SPHKAP: variants seen among roughly 807,000 people sequenced by gnomAD.
SPHKAP encodes SPHK1 interactor, AKAP domain containing.
Under a neutral mutation model 137.5 loss-of-function variants are expected in SPHKAP, and 67 were observed. That is an observed-to-expected ratio of 0.49 (90% CI 0.40 to 0.60). The LOEUF (loss-of-function observed/expected upper bound fraction) is 0.60, where lower values mean the gene tolerates loss of function less well. Ranked by LOEUF, SPHKAP falls within the 20% of genes least tolerant of loss-of-function variation. SPHKAP has a pLI of 0.00. For missense variants in SPHKAP, 2,097 were observed against 2,069.3 expected, an observed-to-expected ratio of 1.01 and a Z score of -0.26; for synonymous variants, 813 against 785.3, an observed-to-expected ratio of 1.04 and a Z score of -0.59.
At chr2:228,008,492 A>G (rs1288480200) in intron 7 of SPHKAP, among the ~76,000 whole-genome samples, 1 of 151,956 alleles carries the variant, frequency 6.6e-6, no homozygotes, top group African/African-American at 2.4e-5. Flanking sequence ...ACAGCATTTC[A>G]CCATGTTGGC....
chr2:228,122,276 G>C (rs1204477860), intron 2 of SPHKAP, among the ~76,000 whole-genome samples: 1 of 152,004 alleles, frequency 6.6e-6, no homozygotes, highest in Non-Finnish European at 1.5e-5. Context: ...AGTTTTCAGA[G>C]TCCCCCCTTT....
chr2:228,072,034 G>A (rs1158131282), intron 3 of SPHKAP, among the ~76,000 whole-genome samples: 3 of 152,200 alleles, frequency 2.0e-5, no homozygotes, highest in Non-Finnish European at 4.4e-5. Context: ...CTCAATGTGG[G>A]TGGGCATTAT....
intron 7 of SPHKAP, among the ~76,000 whole-genome samples, chr2:228,006,414 C>A (rs761184306): frequency 4.0e-4 from 61 of 152,124 alleles, no homozygotes; most frequent in Admixed American, 3.3e-3. Context: ...GACTTTTCTG[C>A]ATTGGTTTTT....
At chr2:228,156,272 T>C (rs1676698913) in intron 1 of SPHKAP, among the ~76,000 whole-genome samples, 1 of 152,206 alleles carries the variant, frequency 6.6e-6, no homozygotes, top group South Asian at 2.1e-4. Flanking sequence ...ATGTACTGGC[T>C]CAATTCTTCT....
intron 1 of SPHKAP, among the ~76,000 whole-genome samples, chr2:228,162,550 T>A (rs1167290150): frequency 6.6e-6 from 1 of 152,210 alleles, no homozygotes; most frequent in Admixed American, 6.5e-5. Context: ...AAGTGTTCAA[T>A]GAAATTAGTT....
chr2:228,133,237 G>A (rs964397519), intron 1 of SPHKAP, among the ~76,000 whole-genome samples: 2 of 152,060 alleles, frequency 1.3e-5, no homozygotes, highest in African/African-American at 4.8e-5. Context: ...AACCCAGGAG[G>A]TGGAGGTTGC....
At chr2:228,111,980 T>C (rs181452762) in intron 2 of SPHKAP, among the ~76,000 whole-genome samples, 3 of 152,298 alleles carry the variant, frequency 2.0e-5, no homozygotes, top group East Asian at 3.9e-4. Flanking sequence ...GTGACAATTT[T>C]CTTGAAAGAG....
In SPHKAP at chr2:228,056,982, C is replaced by T. The variant is rs1696470099; in HGVS notation, c.247-29439G>A. ...CTTGTTGAATGGACTGAGAAAATTG[C>T]ATTAAATATCTGCATTTGACAACTT... On this transcript the variant is annotated intron_variant, in intron 3 of 11. Transcript: ENST00000392056. 2.0e-5 allele frequency among the ~76,000 whole-genome samples: 3 copies of T among 152,176 alleles called. No homozygotes were observed. In the South Asian group the frequency reaches 6.2e-4, roughly 32 times the overall value.
chr2:228,031,713 A>T (rs891200316), intron 3 of SPHKAP, among the ~76,000 whole-genome samples: 1 of 152,152 alleles, frequency 6.6e-6, no homozygotes, highest in African/African-American at 2.4e-5. Context: ...GTTCACCAAG[A>T]TCTGCTGTTC....
Position 228,016,654 on chromosome 2 carries a change from A to G in SPHKAP, c.4200T>C (p.Asp1400=), listed in dbSNP as rs1694606210. The part of the protein sequence containing the change: ...TASLTNHSPL[D]SKKETSSCQD... The stretch of plus-strand genomic sequence containing the variant: ...GGCACGAGGAAGTTTCTTTTTTAGA[A>G]TCTAAAGGGCTGTGGTTTGTAAGAG... The change falls in exon 7 of 12, where the codon GAT becomes GAC. Residue 1400 remains aspartate, a synonymous_variant. Transcript: ENST00000392056. 1 of 1,613,914 alleles carries G rather than the reference A, an allele frequency of 6.2e-7. No individual in the cohort carries two copies. The highest frequency in any genetic ancestry group is 1.1e-5 in the South Asian group (1 of 91,056).
intron 1 of SPHKAP, among the ~76,000 whole-genome samples, chr2:228,135,184 G>C (rs6436757): frequency 0.35 from 51,594 of 149,408 alleles, 9,064 homozygotes; most frequent in East Asian, 0.51. Flanking sequence ...TGAGACAGGA[G>C]AATCGCTTCA....
chr2:228,044,703 G>C (rs1033472391), intron 3 of SPHKAP, among the ~76,000 whole-genome samples: 7 of 152,112 alleles, frequency 4.6e-5, no homozygotes, highest in Admixed American at 3.9e-4. Flanking sequence ...AAATACAAGA[G>C]GGAACATCTA....
At chr2:228,155,456 G>T (rs1458550320) in intron 1 of SPHKAP, among the ~76,000 whole-genome samples, 1 of 152,132 alleles carries the variant, frequency 6.6e-6, no homozygotes, top group African/African-American at 2.4e-5. Flanking sequence ...TATGATATAA[G>T]TATGTGTTTC....
chr2:228,123,903 C>A (rs1038370794), intron 2 of SPHKAP, among the ~76,000 whole-genome samples: 5 of 152,014 alleles, frequency 3.3e-5, no homozygotes, highest in African/African-American at 7.2e-5. Flanking sequence ...ATGAAACAAC[C>A]CCATCAAAAA....
rs752670685 is a variant in SPHKAP at position 228,016,705 on chromosome 2, T to C, written c.4149A>G (p.Pro1383=). The C allele has an allele frequency of 9.3e-6, 15 of 1,614,014 alleles. No homozygotes were observed. The highest frequency in any genetic ancestry group is 1.3e-5 in the Non-Finnish European group (15 of 1,180,036). ...AAGCAGTTTTGCTCAAAGATGACAC[T>C]GGGGGCTGTTTACATTCGGTAACAG... ...KDSVTECKQP[P]VSSLSKTASL... The change falls in exon 7 of 12, where the codon CCA becomes CCG. Residue 1383 remains proline (P), a synonymous_variant. Transcript: ENST00000392056.
chr2:228,012,763 C>T (rs757780587), intron 7 of SPHKAP, among the ~76,000 whole-genome samples: 12 of 152,074 alleles, frequency 7.9e-5, no homozygotes, highest in Non-Finnish European at 7.4e-5. Flanking sequence ...GGATACAGCA[C>T]CTAAAATATG....
chr2:228,095,749 C>G (rs1396443250), intron 3 of SPHKAP, among the ~76,000 whole-genome samples: 1 of 151,868 alleles, frequency 6.6e-6, no homozygotes, highest in Non-Finnish European at 1.5e-5. Context: ...TTTTAAAGGA[C>G]AGTTGGAGAA....
intron 3 of SPHKAP, among the ~76,000 whole-genome samples, chr2:228,031,377 T>C (rs1695310801): frequency 6.6e-6 from 1 of 152,090 alleles, no homozygotes; most frequent in Admixed American, 6.6e-5. Flanking sequence ...GGAAGCTCGA[T>C]CTGGGTGGAG....
intron 2 of SPHKAP, among the ~76,000 whole-genome samples, chr2:228,113,927 AAGCAATTTT>A (rs1410387918): frequency 1.3e-5 from 2 of 152,112 alleles, no homozygotes; most frequent in Admixed American, 6.6e-5. Flanking sequence ...ATCATATATA[AAGCAATTTT>A]AGCCTGTGAA....
Sources: allele counts gnomAD v4.1 joint callset (sites outside exome capture counted in the v4.1 genomes callset), GRCh38; gene constraint gnomAD v4.1.1; transcripts MANE v1.5; gene names NCBI Gene and HGNC (gene_info 2026-07-23, HGNC 2026-07-21).